Variants in MED25 observed in about 807,000 individuals in gnomAD.
MED25 encodes the protein mediator complex subunit 25, also known as mediator of RNA polymerase II transcription subunit 25.
A neutral mutation model predicts 89.4 loss-of-function variants in MED25; 62 were observed. That is an observed-to-expected ratio of 0.69 (90% CI 0.57 to 0.86). The LOEUF (loss-of-function observed/expected upper bound fraction) is 0.86. Among genes scored for constraint, MED25 ranks in the 40% least tolerant of loss-of-function variants. The pLI, the probability that MED25 is intolerant of heterozygous loss-of-function variation, is 0.00. For missense variants in MED25, 905 were observed against 1,005.2 expected (o/e 0.90, Z 1.35); for synonymous variants, 449 against 427.9 (o/e 1.05, Z -0.61).
Position 49,831,252 on chromosome 19 carries a change from C to T in MED25, c.1102-81C>T. ...GCAGAAGAAGGGATCTTTCCTCCTT[C>T]CTGGTTTGCCCTCACAGGATGGCCC... is the stretch of plus-strand genomic sequence containing the variant. On this transcript the variant is annotated intron_variant, in intron 9 of 17. Transcript: ENST00000312865. The surrounding 1 kb of genome is among the most constrained non-coding windows in gnomAD (Gnocchi z 5.0). 2 of 1,458,588 alleles carry T rather than the reference C, an allele frequency of 1.4e-6. No individual in the cohort carries two copies. Among genetic ancestry groups the T allele is most frequent in the Non-Finnish European group, 1.9e-6 (2 of 1,071,826 alleles). The allele number at this position is 1,458,588 out of a possible 1,614,324, so 90.4% of individuals were successfully genotyped here. A position where few individuals can be genotyped will look rare whatever the true frequency, so the allele number is the denominator to read the frequency against.
chr19:49,830,472 T>C lies in MED25; in HGVS notation c.820-39T>C. The C allele has an allele frequency of 6.3e-7, 1 of 1,591,104 alleles. No homozygotes were observed. The highest frequency in any genetic ancestry group is 8.6e-7 in the Non-Finnish European group (1 of 1,159,596). On this transcript the variant is annotated intron_variant, in intron 7 of 17. Transcript: ENST00000312865. The surrounding 1 kb of genome is among the most constrained non-coding windows in gnomAD (Gnocchi z 4.6). ...GGATACCAGGACTGGGGGGCCATGG[T>C]CCTCACCAGTCCCTTCCCTTCTTCC... is the stretch of plus-strand genomic sequence containing the variant.
Position 49,829,175 on chromosome 19 carries a change from CT to C in MED25, c.525+86del. Reference sequence around the variant, plus strand: ...CAGGAGGCACTGAGGGCCTGGACTCCTGGGTCTGAGGGAGGAGGCACTGGGG... The same window carrying C: ...CAGGAGGCACTGAGGGCCTGGACTCCGGGTCTGAGGGAGGAGGCACTGGGG... On this transcript the variant is annotated intron_variant, in intron 5 of 17. Coordinates refer to ENST00000312865, the MANE Select transcript of MED25 (RefSeq NM_030973.4). This position sits in a 1 kb window ranked among gnomAD's most constrained non-coding sequence, Gnocchi z 4.6. 7.8e-7 allele frequency: 1 copy of C among 1,289,640 alleles called. No individual in the cohort carries two copies. Among genetic ancestry groups the C allele is most frequent in the African/African-American group, 1.5e-5 (1 of 67,858 alleles). The allele number at this position is 1,289,640 out of a possible 1,614,324, so 79.9% of individuals were successfully genotyped here. A position where few individuals can be genotyped will look rare whatever the true frequency, so the allele number is the denominator to read the frequency against.
At position 49,832,097 on chromosome 19, in the gene MED25, C is replaced by T. The variant is rs367774572; in HGVS notation, c.1317-3C>T. ...CTCACACCTCTCCTGGCATCGCCCC[C>T]AGGAAGACGGAGCAGTGGCCCCAGA... On this transcript the variant is annotated splice_polypyrimidine_tract_variant and splice_region_variant and intron_variant, in intron 11 of 17. Coordinates refer to ENST00000312865, the MANE Select transcript of MED25 (RefSeq NM_030973.4). The T allele has an allele frequency of 2.5e-5, 41 of 1,613,644 alleles. No individual in the cohort carries two copies. The highest frequency in any genetic ancestry group is 3.4e-5 in the Non-Finnish European group (40 of 1,180,028).
intron 3 of MED25, among the ~76,000 whole-genome samples, chr19:49,824,550 A>T (rs2074002964): frequency 6.7e-6 from 1 of 148,498 alleles, no homozygotes; most frequent in South Asian, 2.1e-4. Flanking sequence ...GTGCCACCGC[A>T]CTCCAGCCTG....
rs756047976 is a variant in MED25, at chr19:49,836,341, C to G, written c.2081C>G (p.Pro694Arg). 6 of 1,609,574 alleles carry G rather than the reference C, an allele frequency of 3.7e-6. No individual in the cohort carries two copies. The African/African-American group carries it at 5.3e-5, about 14-fold the overall frequency. ...QGLGQPQLGP[P>R]LLHPPPAQSW... The stretch of plus-strand genomic sequence containing the variant: ...CTGGGGCAGCCCCAGTTGGGGCCCC[C>G]ACTCCTGCATCCACCACCTGCCCAG... The change falls in exon 17 of 18, where the codon CCA (proline) becomes CGA (arginine). Residue 694 changes from proline (P) to arginine (R), a missense_variant. Coordinates refer to ENST00000312865, the MANE Select transcript of MED25 (RefSeq NM_030973.4). This position sits in a 1 kb window ranked among gnomAD's most constrained non-coding sequence, Gnocchi z 5.1.
Position 49,836,142 on chromosome 19 carries a change from T to C in MED25, c.1966-84T>C, listed in dbSNP as rs2074096144. ...AGAAAAACTTCCCCTCACCACTAGCTGATTCCATCTCTGAGCAGTGTCTGT... is the reference window on the plus strand; with the variant it reads ...AGAAAAACTTCCCCTCACCACTAGCCGATTCCATCTCTGAGCAGTGTCTGT... On this transcript the variant is annotated intron_variant, in intron 16 of 17. Transcript: ENST00000312865. This position sits in a 1 kb window ranked among gnomAD's most constrained non-coding sequence, Gnocchi z 5.1. 1.9e-6 allele frequency: 3 copies of C among 1,541,380 alleles called. No individual in the cohort carries two copies. The highest frequency in any genetic ancestry group is 2.3e-5 in the South Asian group (2 of 87,394).
At chr19:49,827,904 T>A (rs1568621596) in intron 3 of MED25, among the ~76,000 whole-genome samples, 1 of 151,996 alleles carries the variant, frequency 6.6e-6, no homozygotes. Context: ...CCCCAGCCCT[T>A]TCCCATTCCC....
At position 49,835,681 on chromosome 19, in the gene MED25, G is replaced by C. The variant is rs762022809; in HGVS notation, c.1747-46G>C. On this transcript the variant is annotated intron_variant, in intron 15 of 17. Coordinates refer to ENST00000312865, the MANE Select transcript of MED25 (RefSeq NM_030973.4). This position sits in a 1 kb window ranked among gnomAD's most constrained non-coding sequence, Gnocchi z 6.2. ...TGCGCTCTGTGCCTGCAGAAGGGGC[G>C]TGAGGCCCTGCCCATCTCCCTCACC... is the stretch of plus-strand genomic sequence containing the variant. 1.9e-6 allele frequency: 3 copies of C among 1,589,114 alleles called. No individual in the cohort carries two copies. The highest frequency in any genetic ancestry group is 1.3e-5 in the African/African-American group (1 of 74,104).
intron 3 of MED25, among the ~76,000 whole-genome samples, chr19:49,822,680 C>T (rs2073991508): frequency 7.9e-6 from 1 of 127,040 alleles, no homozygotes; most frequent in Admixed American, 9.5e-5. Flanking sequence ...CAGAGTCTCG[C>T]TCTGTTGTCC....
chr19:49,830,136 C>T lies in MED25; in HGVS notation c.737C>T (p.Pro246Leu). Reference sequence around the variant, plus strand: ...CCCCTCCAGTCAAAGCAGCCAGTCCCCCTGCCTCCCGCCGCACCCTCAGGT... The same window carrying T: ...CCCCTCCAGTCAAAGCAGCCAGTCCTCCTGCCTCCCGCCGCACCCTCAGGT... Reference protein sequence around the residue: ...PGPLQSKQPVPLPPAAPSGAT... With the variant: ...PGPLQSKQPVLLPPAAPSGAT... Residue 246 changes from proline (P) to leucine (L), a missense_variant, in exon 7 of 18, where the codon CCC becomes CTC. Pro to Leu is a moderately conservative substitution (Grantham distance 98). Transcript: ENST00000312865. The surrounding 1 kb of genome is among the most constrained non-coding windows in gnomAD (Gnocchi z 4.6). 6.2e-7 allele frequency: 1 copy of T among 1,608,340 alleles called. No homozygotes were observed. Among genetic ancestry groups the T allele is most frequent in the Non-Finnish European group, 8.5e-7 (1 of 1,177,132 alleles).
chr19:49,823,241 C>T (rs189296381), intron 3 of MED25, among the ~76,000 whole-genome samples: 114 of 152,266 alleles, frequency 7.5e-4, no homozygotes, highest in Non-Finnish European at 1.4e-3. Context: ...AGATCACAGG[C>T]CTGAGCTGCG....
Position 49,835,234 on chromosome 19 carries a change from A to T in MED25, c.1674+57A>T. 1 of 1,579,596 alleles carries T rather than the reference A, an allele frequency of 6.3e-7. No homozygotes were observed. Among genetic ancestry groups the T allele is most frequent in the Non-Finnish European group, 8.7e-7 (1 of 1,149,512 alleles). On this transcript the variant is annotated intron_variant, in intron 14 of 17. Transcript: ENST00000312865. This position sits in a 1 kb window ranked among gnomAD's most constrained non-coding sequence, Gnocchi z 6.2. ...CGACCCCCTCCTGCCCGGGCCCCAC[A>T]TGGCCCCCTGGGGTCTCCAGGACCA...
In MED25 at chr19:49,836,729, G is replaced by A. The variant is rs1349720794; in HGVS notation, c.2147-118G>A. Reference sequence around the variant, plus strand: ...AAACAGCATATTTGTAACTAGATGGGGCCAGAAGGTGCTTCTGTTGGGTCC... The same window carrying A: ...AAACAGCATATTTGTAACTAGATGGAGCCAGAAGGTGCTTCTGTTGGGTCC... On this transcript the variant is annotated intron_variant, in intron 17 of 17. Transcript: ENST00000312865. This position sits in a 1 kb window ranked among gnomAD's most constrained non-coding sequence, Gnocchi z 5.1. The A allele has an allele frequency of 1.3e-6, 1 of 791,560 alleles. No individual in the cohort carries two copies. Among genetic ancestry groups the A allele is most frequent in the Non-Finnish European group, 2.2e-6 (1 of 452,932 alleles). 49.0% of individuals were successfully genotyped at this position (791,560 alleles called of 1,614,324 possible).
chr19:49,820,494 G>A (rs776237652), intron 3 of MED25, among the ~76,000 whole-genome samples: 3 of 152,152 alleles, frequency 2.0e-5, no homozygotes, highest in Non-Finnish European at 4.4e-5. Flanking sequence ...CATGACCTTC[G>A]CTGTACTTCT....
chr19:49,823,805 C>T (rs1405555633), intron 3 of MED25, among the ~76,000 whole-genome samples: 2 of 152,116 alleles, frequency 1.3e-5, no homozygotes, highest in African/African-American at 4.8e-5. Context: ...ATCCTTGGCC[C>T]TAGTGACACT....
At chr19:49,824,702 T>C (rs935414900) in intron 3 of MED25, among the ~76,000 whole-genome samples, 3 of 152,102 alleles carry the variant, frequency 2.0e-5, no homozygotes, top group African/African-American at 7.2e-5. Flanking sequence ...CAAATGTTTG[T>C]GGAACAAATC....
chr19:49,818,557 T>C lies in MED25; in HGVS notation c.135-14T>C, dbSNP rs765934196. 1.1e-5 allele frequency: 18 copies of C among 1,614,190 alleles called. 1 individual carries two copies. In the Middle Eastern group the frequency reaches 1.8e-3, roughly 163 times the overall value. ...TCTTGCCTGACTCCGACCTTTCACT[T>C]CCTACCCTCACAGGTATTTTAATGG... On this transcript the variant is annotated splice_polypyrimidine_tract_variant and intron_variant, in intron 1 of 17. Transcript: ENST00000312865.
In MED25 at chr19:49,830,935, A is replaced by G; in HGVS notation, c.1101+48A>G. 1.3e-6 allele frequency: 2 copies of G among 1,539,456 alleles called. No homozygotes were observed. The highest frequency in any genetic ancestry group is 1.8e-6 in the Non-Finnish European group (2 of 1,126,984). On this transcript the variant is annotated intron_variant, in intron 9 of 17. Transcript: ENST00000312865. The surrounding 1 kb of genome is among the most constrained non-coding windows in gnomAD (Gnocchi z 4.6). ...CCCCTGCTCCTTCCTCCTGCTGTCC[A>G]CAGCTAGGACAGTTAGAGGATGAGT... is the stretch of plus-strand genomic sequence containing the variant.
chr19:49,838,879 C>T (rs1436034821), downstream of MED25: 15 of 399,772 alleles, frequency 3.8e-5, no homozygotes, highest in South Asian at 7.5e-5. Flanking sequence ...TACGCCGTTC[C>T]GGAATCACGT....
Sources: allele counts gnomAD v4.1 joint callset (sites outside exome capture counted in the v4.1 genomes callset), GRCh38; gene constraint gnomAD v4.1.1; non-coding constraint Gnocchi (gnomAD v3.1); transcripts MANE v1.5; gene names NCBI Gene and HGNC (gene_info 2026-07-23, HGNC 2026-07-21).